The following ALG12 variants were observed in gnomAD, a reference collection of about 807,000 sequenced individuals.
ALG12 encodes the protein dol-P-Man:Man(7)GlcNAc(2)-PP-Dol alpha-1,6-mannosyltransferase.
Under a neutral mutation model 46.0 loss-of-function variants are expected in ALG12, and 36 were observed. The ratio of observed to expected loss-of-function variants is 0.78; its 90% CI spans 0.60 to 1.03. The LOEUF is 1.03. Among genes scored for constraint, ALG12 ranks in the 50% least tolerant of loss-of-function variants. ALG12 has a pLI of 0.00. For synonymous variants in ALG12, 326 were observed against 291.6 expected, an observed-to-expected ratio of 1.12 and a Z score of -1.20; for missense variants, 599 against 633.5, an observed-to-expected ratio of 0.95 and a Z score of 0.58.
chr22:49,860,366 T>G, the ALG12 span, among the ~76,000 whole-genome samples: 3 of 152,334 alleles, frequency 2.0e-5, no homozygotes, highest in East Asian at 5.8e-4. Flanking sequence ...GATTCTTAAA[T>G]TATATGTTAT....
intron 3 of ALG12, among the ~76,000 whole-genome samples, chr22:49,912,068 C>A (rs1316400611): frequency 2.5e-5 from 3 of 121,018 alleles, no homozygotes; most frequent in Admixed American, 2.3e-4. Flanking sequence ...CGGGATCAGC[C>A]TGGCCCCGGG....
At chr22:49,868,957 CAAAA>C in the ALG12 span, among the ~76,000 whole-genome samples, 2 of 131,698 alleles carry the variant, frequency 1.5e-5, no homozygotes, top group Non-Finnish European at 1.6e-5. Flanking sequence ...ACTAAAAATA[CAAAA>C]AAAAAAAAAA....
rs780462940 is a variant in ALG12 at position 49,909,352 on chromosome 22, CAAAAT to C, written c.665-10_665-6del. On this transcript the variant is annotated splice_region_variant and splice_polypyrimidine_tract_variant and intron_variant, in intron 5 of 9. Transcript: ENST00000330817. Reference sequence around the variant, plus strand: ...AGTCCACAGCAACCGTCAGTCCTGACAAAATAAAATAGAGTTTCTTAGTCGCAAAC... The same window carrying C: ...AGTCCACAGCAACCGTCAGTCCTGACAAAATAGAGTTTCTTAGTCGCAAAC... The C allele has an allele frequency of 6.2e-6, 10 of 1,614,080 alleles. No homozygotes were observed. The highest frequency in any genetic ancestry group is 7.6e-6 in the Non-Finnish European group (9 of 1,179,954).
At chr22:49,884,958 G>A in the ALG12 span, 2 of 1,611,892 alleles carry the variant, frequency 1.2e-6, no homozygotes, top group Non-Finnish European at 1.7e-6. Flanking sequence ...AGAAGCAGCA[G>A]GCTGATGGGC....
At chr22:49,883,813 C>A in the ALG12 span, 1 of 1,612,796 alleles carries the variant, frequency 6.2e-7, no homozygotes, top group East Asian at 2.2e-5. Context: ...GGACATGAAG[C>A]AGACAGACAG....
chr22:49,875,100 C>G, the ALG12 span, among the ~76,000 whole-genome samples: 1 of 151,856 alleles, frequency 6.6e-6, no homozygotes, highest in Non-Finnish European at 1.5e-5. Flanking sequence ...GATTTTTTTT[C>G]TGTGCTCATA....
chr22:49,883,068 C>T, the ALG12 span, among the ~76,000 whole-genome samples: 26 of 152,248 alleles, frequency 1.7e-4, no homozygotes, highest in East Asian at 4.8e-3. Context: ...CTCTTTATAC[C>T]ATTCTAGGTT....
chr22:49,915,208 C>T lies in ALG12; in HGVS notation c.-78-1365G>A, dbSNP rs557979594. Among the ~76,000 whole-genome samples the T allele has an allele frequency of 5.9e-5, 9 of 152,290 alleles. No homozygotes were observed. The South Asian group carries it at 1.9e-3, about 32-fold the overall frequency. ...AAATGGTATGCAGTTCTCTCCTTTG[C>T]CAAATATAAAAACCTGGGGCCGGGC... On this transcript the variant is annotated intron_variant, in intron 1 of 9. Transcript: ENST00000330817.
chr22:49,899,120 T>C (rs1160875165), downstream of ALG12, among the ~76,000 whole-genome samples: 1 of 152,112 alleles, frequency 6.6e-6, no homozygotes, highest in Non-Finnish European at 1.5e-5. Flanking sequence ...TGAGATCCCA[T>C]TTCTACAAAA....
At chr22:49,887,760 C>T in the ALG12 span, 14 of 167,364 alleles carry the variant, frequency 8.4e-5, no homozygotes, top group African/African-American at 2.4e-4. Context: ...CATTTGGAAA[C>T]GAAACTTAGA....
In ALG12 at chr22:49,913,366, T is replaced by C. The variant is rs1366132419; in HGVS notation, c.295+19A>G. The C allele has an allele frequency of 1.2e-6, 2 of 1,613,480 alleles. No individual in the cohort carries two copies. The highest frequency in any genetic ancestry group is 2.2e-5 in the East Asian group (1 of 44,876). On this transcript the variant is annotated intron_variant, in intron 3 of 9. Coordinates refer to ENST00000330817, the MANE Select transcript of ALG12 (RefSeq NM_024105.4). The stretch of plus-strand genomic sequence containing the variant: ...CCACAGTCCCTCACTCCCTCCTCCT[T>C]TGTTGAAGACCCCCTTACCTATTAG...
intron 5 of ALG12, among the ~76,000 whole-genome samples, 181 bp downstream of exon 5, chr22:49,909,713 C>T (rs80251032): frequency 4.6e-5 from 7 of 152,348 alleles, no homozygotes; most frequent in African/African-American, 1.2e-4. Context: ...GCTCCTAAGG[C>T]GCACGGTGGG....
the ALG12 span, chr22:49,885,300 A>C: frequency 1.9e-6 from 3 of 1,592,560 alleles, no homozygotes; most frequent in Non-Finnish European, 2.6e-6. Flanking sequence ...CAGTGGTCAC[A>C]AAAAACAATC....
the ALG12 span, among the ~76,000 whole-genome samples, chr22:49,881,680 C>T: frequency 7.6e-4 from 116 of 152,200 alleles, 1 homozygote; most frequent in African/African-American, 2.7e-3. Flanking sequence ...CCATACTTGG[C>T]ATTTTTTGTT....
chr22:49,862,129 A>G, the ALG12 span, among the ~76,000 whole-genome samples: 31 of 152,210 alleles, frequency 2.0e-4, no homozygotes, highest in African/African-American at 6.8e-4. Context: ...ACTGAATTGG[A>G]TGTAGCACGG....
chr22:49,902,009 A>G lies in ALG12; in HGVS notation c.*1829T>C, dbSNP rs1419803636. On this transcript the variant is annotated 3_prime_UTR_variant, in exon 10 of 10. Coordinates refer to ENST00000330817, the MANE Select transcript of ALG12 (RefSeq NM_024105.4). Reference sequence around the variant, plus strand: ...GTGTGCACGTGTGCACTGTGTATGCATGGTAATGTGCACGCGTGCACTGTG... The same window carrying G: ...GTGTGCACGTGTGCACTGTGTATGCGTGGTAATGTGCACGCGTGCACTGTG... 2 of 133,132 alleles carry G rather than the reference A, an allele frequency of 1.5e-5. No individual in the cohort carries two copies. The highest frequency in any genetic ancestry group is 4.7e-4 in the East Asian group (2 of 4,218). 8.2% of individuals were successfully genotyped at this position (133,132 alleles called of 1,614,324 possible). A position where few individuals can be genotyped will look rare whatever the true frequency, so the allele number is the denominator to read the frequency against.
chr22:49,870,775 C>A, the ALG12 span, among the ~76,000 whole-genome samples: 1 of 152,024 alleles, frequency 6.6e-6, no homozygotes, highest in Non-Finnish European at 1.5e-5. Flanking sequence ...TCTGTTTATT[C>A]TGTCGATGGT....
At chr22:49,914,428 G>A (rs528978167) in intron 1 of ALG12, among the ~76,000 whole-genome samples, 2 of 152,362 alleles carry the variant, frequency 1.3e-5, no homozygotes, top group Non-Finnish European at 2.9e-5. Flanking sequence ...TGGGGGCTGG[G>A]AGAAGCCATG....
the ALG12 span, among the ~76,000 whole-genome samples, chr22:49,875,814 C>A: frequency 6.6e-6 from 1 of 152,138 alleles, no homozygotes. Context: ...TGTAGTGATA[C>A]TCCCTCTCTC....
Sources: allele counts gnomAD v4.1 joint callset (sites outside exome capture counted in the v4.1 genomes callset), GRCh38; gene constraint gnomAD v4.1.1; transcripts MANE v1.5; gene names NCBI Gene and HGNC (gene_info 2026-07-23, HGNC 2026-07-21).